PPARGC1A: variants seen among roughly 807,000 people sequenced by gnomAD.
PPARGC1A encodes the protein PPARG coactivator 1 alpha.
PPARGC1A carries 25 observed loss-of-function variants against 88.7 expected under a neutral mutation model. The ratio of observed to expected loss-of-function variants is 0.28; its 90% confidence interval spans 0.21 to 0.39. The LOEUF (loss-of-function observed/expected upper bound fraction) is 0.39. PPARGC1A is among the 10% of genes least tolerant of loss of function. PPARGC1A has a pLI of 1.00. For missense variants in PPARGC1A, 880 were observed against 968.7 expected, an observed-to-expected ratio of 0.91 and a Z score of 1.22; for synonymous variants, 363 against 355.6, an observed-to-expected ratio of 1.02 and a Z score of -0.24.
intron 2 of PPARGC1A, 58 bp from the exon 3 acceptor site, chr4:23,831,809 A>T: frequency 7.2e-7 from 1 of 1,380,658 alleles, no homozygotes; most frequent in Non-Finnish European, 1.0e-6. Flanking sequence ...AGGTAACACT[A>T]TGCATCAACA....
the PPARGC1A span, among the ~76,000 whole-genome samples, chr4:24,235,560 A>G: frequency 6.6e-6 from 1 of 152,182 alleles, no homozygotes; most frequent in South Asian, 2.1e-4. Context: ...ATTTTATGCA[A>G]TGTCTTTGTA....
the PPARGC1A span, among the ~76,000 whole-genome samples, chr4:24,401,054 T>C: frequency 7.3e-6 from 1 of 137,014 alleles, no homozygotes; most frequent in Non-Finnish European, 1.5e-5. Flanking sequence ...AGTCTCGCTC[T>C]GTCGCCCAGG....
chr4:24,317,554 C>CAAAAAAAA, the PPARGC1A span, among the ~76,000 whole-genome samples: 2 of 14,254 alleles, frequency 1.4e-4, no homozygotes, highest in Non-Finnish European at 3.9e-4. Context: ...GTTCAGAGGA[C>CAAAAAAAA]TAAAAAAAAA....
At chr4:24,447,593 A>G in the PPARGC1A span, among the ~76,000 whole-genome samples, 1 of 152,198 alleles carries the variant, frequency 6.6e-6, no homozygotes, top group African/African-American at 2.4e-5. Flanking sequence ...CTTGGAGTCC[A>G]TGATGTGTCT....
At chr4:23,977,068 AAAG>A in the PPARGC1A span, among the ~76,000 whole-genome samples, 17 of 152,030 alleles carry the variant, frequency 1.1e-4, no homozygotes, top group African/African-American at 3.1e-4. Flanking sequence ...GAAGAAGAAG[AAAG>A]AAGAAGAAGA....
chr4:23,945,120 C>T, the PPARGC1A span, among the ~76,000 whole-genome samples: 4 of 152,074 alleles, frequency 2.6e-5, no homozygotes, highest in African/African-American at 7.2e-5. Flanking sequence ...CCCTCTATCT[C>T]TGTCTCTGTC....
the PPARGC1A span, among the ~76,000 whole-genome samples, chr4:23,978,668 C>T: frequency 6.6e-6 from 1 of 152,252 alleles, no homozygotes; most frequent in South Asian, 2.1e-4. Context: ...CACTTCATTT[C>T]TGGGGAATTA....
At chr4:23,811,631 A>G (rs1169528076) in intron 10 of PPARGC1A, among the ~76,000 whole-genome samples, 1 of 152,166 alleles carries the variant, frequency 6.6e-6, no homozygotes, top group African/African-American at 2.4e-5. Context: ...GTTGATAAAC[A>G]GCGGTAGGGA....
At chr4:24,183,097 C>T in the PPARGC1A span, among the ~76,000 whole-genome samples, 1 of 152,114 alleles carries the variant, frequency 6.6e-6, no homozygotes, top group African/African-American at 2.4e-5. Context: ...TAATGAGGAC[C>T]AGATGGAAAT....
chr4:23,956,933 T>C, the PPARGC1A span, among the ~76,000 whole-genome samples: 18 of 152,192 alleles, frequency 1.2e-4, no homozygotes, highest in African/African-American at 3.4e-4. Context: ...GCGCATGAGG[T>C]AGGTGCCCTT....
At chr4:24,451,860 G>A in the PPARGC1A span, among the ~76,000 whole-genome samples, 2 of 152,326 alleles carry the variant, frequency 1.3e-5, no homozygotes, top group East Asian at 3.9e-4. Context: ...ACAGGCATGA[G>A]CCACTGTGCC....
the PPARGC1A span, among the ~76,000 whole-genome samples, chr4:24,470,181 G>T: frequency 2.6e-5 from 4 of 151,884 alleles, no homozygotes; most frequent in East Asian, 7.8e-4. The surrounding 1 kb of genome is among the most constrained non-coding windows in gnomAD (Gnocchi z 5.8). Flanking sequence ...CCGAATGCCG[G>T]CCGGGCTTGT....
At chr4:23,824,794 A>T (rs997964936) in intron 5 of PPARGC1A, among the ~76,000 whole-genome samples, 1 of 152,138 alleles carries the variant, frequency 6.6e-6, no homozygotes, top group Admixed American at 6.6e-5. Context: ...ACCATCAGAG[A>T]GAAATAATGT....
At chr4:23,934,154 G>A in the PPARGC1A span, among the ~76,000 whole-genome samples, 2 of 152,340 alleles carry the variant, frequency 1.3e-5, no homozygotes, top group East Asian at 3.9e-4. Context: ...GAATCTGGCT[G>A]AGACTGCAAA....
At chr4:24,197,607 AATC>A in the PPARGC1A span, among the ~76,000 whole-genome samples, 1 of 152,186 alleles carries the variant, frequency 6.6e-6, no homozygotes, top group African/African-American at 2.4e-5. Flanking sequence ...CATTTATCTG[AATC>A]ATCCTATTCT....
the PPARGC1A span, among the ~76,000 whole-genome samples, chr4:24,459,606 A>C: frequency 6.6e-6 from 1 of 152,200 alleles, no homozygotes; most frequent in East Asian, 1.9e-4. Context: ...CCTGGGAAGC[A>C]TGGTGAAACC....
At chr4:24,387,934 GA>G in the PPARGC1A span, among the ~76,000 whole-genome samples, 1 of 71,458 alleles carries the variant, frequency 1.4e-5, no homozygotes, top group African/African-American at 6.7e-5. Flanking sequence ...AAGAAAGAAA[GA>G]GAAAGAAAGA....
the PPARGC1A span, among the ~76,000 whole-genome samples, chr4:24,130,078 A>G: frequency 4.8e-3 from 728 of 152,270 alleles, 8 homozygotes; most frequent in African/African-American, 0.016. Context: ...TAACACACCA[A>G]CATGGCAAAT....
At chr4:24,435,812 A>T in the PPARGC1A span, among the ~76,000 whole-genome samples, 1 of 152,358 alleles carries the variant, frequency 6.6e-6, no homozygotes, top group South Asian at 2.1e-4. Context: ...CCTAAACCAC[A>T]CAGCATATAA....
Sources: gnomAD v4.1 joint callset for allele counts (sites outside exome capture counted in the v4.1 genomes callset) on GRCh38, gnomAD v4.1.1 for gene constraint, Gnocchi (gnomAD v3.1) non-coding constraint, MANE v1.5 for transcripts, NCBI Gene and HGNC (gene_info 2026-07-23, HGNC 2026-07-21) for gene names.